CYP39A1: variants seen among roughly 807,000 people sequenced by gnomAD.
CYP39A1 encodes the protein cytochrome P450 family 39 subfamily A member 1.
CYP39A1 carries 49 observed loss-of-function variants against 58.1 expected under a neutral mutation model. That is an observed-to-expected ratio of 0.84 (90% CI 0.67 to 1.07). The LOEUF (loss-of-function observed/expected upper bound fraction) is 1.07. Ranked by LOEUF, CYP39A1 falls within the 50% of genes least tolerant of loss-of-function variation. The probability of loss-of-function intolerance (pLI) is 0.00; values close to 1 mark genes in which losing one functional copy is unlikely to be tolerated. For missense variants in CYP39A1, 531 were observed against 539.4 expected, an observed-to-expected ratio of 0.98 and a Z score of 0.16; for synonymous variants, 209 against 187.6, an observed-to-expected ratio of 1.11 and a Z score of -0.93.
At chr6:46,556,751 C>G (rs1213374282) in intron 10 of CYP39A1, among the ~76,000 whole-genome samples, 1 of 152,140 alleles carries the variant, frequency 6.6e-6, no homozygotes, top group African/African-American at 2.4e-5. Flanking sequence ...AAGCAACTAA[C>G]TGCATGTCAT....
chr6:46,636,367 A>G (rs1775990889), intron 5 of CYP39A1, 22 bp downstream of exon 5: 1 of 1,498,566 alleles, frequency 6.7e-7, no homozygotes. Flanking sequence ...ACATTAGCAA[A>G]AGAAAGGTAA....
intron 7 of CYP39A1, among the ~76,000 whole-genome samples, chr6:46,617,513 T>C (rs1011107772): frequency 6.6e-6 from 1 of 152,164 alleles, no homozygotes; most frequent in African/African-American, 2.4e-5. Flanking sequence ...TCCAGAGCTA[T>C]GCTTTAGGAA....
At chr6:46,613,735 T>C (rs1169914999) in intron 7 of CYP39A1, among the ~76,000 whole-genome samples, 5 of 150,716 alleles carry the variant, frequency 3.3e-5, no homozygotes, top group African/African-American at 9.7e-5. Flanking sequence ...TGAGCCTCTA[T>C]TGATGGGCAG....
chr6:46,652,713 G>GT lies in CYP39A1; in HGVS notation c.-132dup, dbSNP rs1159453768. 1.3e-6 allele frequency: 1 copy of GT among 791,742 alleles called. No individual in the cohort carries two copies. Among genetic ancestry groups the GT allele is most frequent in the African/African-American group, 1.8e-5 (1 of 56,524 alleles). The allele number at this position is 791,742 out of a possible 1,614,324, so 49.0% of individuals were successfully genotyped here. ...GCTGCAACTTTTGCAGCTCTCCTTC[G>GT]TAACTGTAGCTTCCTTCCTCTGTCC... On this transcript the variant is annotated 5_prime_UTR_variant, in exon 1 of 12. Coordinates refer to ENST00000275016, the MANE Select transcript of CYP39A1 (RefSeq NM_016593.5).
intron 10 of CYP39A1, among the ~76,000 whole-genome samples, chr6:46,579,030 A>T (rs1771988127): frequency 6.6e-6 from 1 of 152,140 alleles, no homozygotes; most frequent in African/African-American, 2.4e-5. Context: ...TCAAGCCAAT[A>T]TTGCTGAATA....
Position 46,637,894 on chromosome 6 carries a change from A to G in CYP39A1, c.573T>C (p.His191=), listed in dbSNP as rs1776087228. The change falls in exon 4 of 12, where the codon CAT becomes CAC. Residue 191 remains histidine (H), a synonymous_variant. Coordinates refer to ENST00000275016, the MANE Select transcript of CYP39A1 (RefSeq NM_016593.5). ...STNKKKIKEF[H]QYFQVYDEDF... ...CTTCATCATAAACTTGAAAATACTG[A>G]TGGAACTCCTTGATTTTTTTCTTGT... 2 of 1,612,796 alleles carry G rather than the reference A, an allele frequency of 1.2e-6. No individual in the cohort carries two copies. The highest frequency in any genetic ancestry group is 2.2e-5 in the South Asian group (2 of 90,696).
chr6:46,652,338 C>A, intron 1 of CYP39A1, 68 bp downstream of exon 1: 1 of 1,464,492 alleles, frequency 6.8e-7, no homozygotes, highest in South Asian at 1.4e-5. Context: ...ACTTAAGAGT[C>A]AATGAAAGAA....
chr6:46,621,174 A>G (rs2150566175), intron 7 of CYP39A1, among the ~76,000 whole-genome samples: 1 of 152,198 alleles, frequency 6.6e-6, no homozygotes, highest in East Asian at 1.9e-4. Context: ...GATTATTCAC[A>G]GAGGAAAAAA....
chr6:46,624,644 C>T (rs1314002604), intron 7 of CYP39A1, among the ~76,000 whole-genome samples: 1 of 152,000 alleles, frequency 6.6e-6, no homozygotes, highest in Non-Finnish European at 1.5e-5. Flanking sequence ...ATACCTTTTG[C>T]CCTAATATTA....
chr6:46,551,473 C>T (rs806508), intron 11 of CYP39A1, among the ~76,000 whole-genome samples: 13,062 of 152,058 alleles, frequency 0.086, 1,402 homozygotes, highest in African/African-American at 0.25. Flanking sequence ...CCTTAATGCT[C>T]AAAATGGAAC....
chr6:46,636,732 A>T (rs1776011516), intron 4 of CYP39A1, among the ~76,000 whole-genome samples: 1 of 152,198 alleles, frequency 6.6e-6, no homozygotes, highest in East Asian at 1.9e-4. Flanking sequence ...TTGGCACTGA[A>T]TAAGAAGGCA....
At chr6:46,634,701 T>C (rs1347082527) in intron 5 of CYP39A1, among the ~76,000 whole-genome samples, 9 of 152,012 alleles carry the variant, frequency 5.9e-5, no homozygotes. Flanking sequence ...TTTGTATTTT[T>C]AGTAGAGATG....
chr6:46,615,047 T>C (rs1774443542), intron 7 of CYP39A1, among the ~76,000 whole-genome samples: 1 of 152,128 alleles, frequency 6.6e-6, no homozygotes, highest in Admixed American at 6.6e-5. Context: ...TTGGTAGATC[T>C]GAATGGCAAA....
Position 46,642,267 on chromosome 6 carries a change from C to T in CYP39A1, c.209G>A (p.Gly70Glu). ...TTCAGTAACAAAGGTCATTCGGTTTCCCATAGCAAAGACTGTAAATATTGG... is the reference window on the plus strand; with the variant it reads ...TTCAGTAACAAAGGTCATTCGGTTTTCCATAGCAAAGACTGTAAATATTGG... Reference protein sequence around the residue: ...YGPIFTVFAMGNRMTFVTEEE... With the variant: ...YGPIFTVFAMENRMTFVTEEE... Residue 70 changes from glycine (G) to glutamate (E), a missense_variant, in exon 2 of 12, where the codon GGA becomes GAA. Transcript: ENST00000275016. 1 of 1,612,674 alleles carries T rather than the reference C, an allele frequency of 6.2e-7. No individual in the cohort carries two copies. The highest frequency in any genetic ancestry group is 8.5e-7 in the Non-Finnish European group (1 of 1,179,252).
chr6:46,572,710 A>G (rs1349798825), intron 10 of CYP39A1, among the ~76,000 whole-genome samples: 1 of 152,078 alleles, frequency 6.6e-6, no homozygotes, highest in Non-Finnish European at 1.5e-5. Flanking sequence ...TATCTCTCTC[A>G]GGGTTCGGGA....
At chr6:46,553,461 C>G (rs553272039) in intron 11 of CYP39A1, among the ~76,000 whole-genome samples, 1 of 152,072 alleles carries the variant, frequency 6.6e-6, no homozygotes, top group African/African-American at 2.4e-5. Flanking sequence ...GCAAAGTGGG[C>G]GCCATGTTTA....
Position 46,588,136 on chromosome 6 carries a change from C to G in CYP39A1, c.1066-7G>C. On this transcript the variant is annotated splice_region_variant and splice_polypyrimidine_tract_variant and intron_variant, in intron 8 of 11. Coordinates refer to ENST00000275016, the MANE Select transcript of CYP39A1 (RefSeq NM_016593.5). Reference sequence around the variant, plus strand: ...CAGAAGGAATGATGTAATTCTATAACAGAAAAATCAGCTGCAAATCATTTT... The same window carrying G: ...CAGAAGGAATGATGTAATTCTATAAGAGAAAAATCAGCTGCAAATCATTTT... The G allele has an allele frequency of 1.3e-6, 2 of 1,529,666 alleles. No individual in the cohort carries two copies. Among genetic ancestry groups the G allele is most frequent in the Non-Finnish European group, 1.8e-6 (2 of 1,124,736 alleles). The allele number at this position is 1,529,666 out of a possible 1,614,324, so 94.8% of individuals were successfully genotyped here.
chr6:46,575,725 C>T (rs6911034), intron 10 of CYP39A1, among the ~76,000 whole-genome samples: 31,010 of 152,118 alleles, frequency 0.2, 3,285 homozygotes, highest in African/African-American at 0.22. Context: ...CCAGCACAGC[C>T]CGTGCTTTAA....
At chr6:46,617,750 G>A (rs1774698417) in intron 7 of CYP39A1, among the ~76,000 whole-genome samples, 1 of 152,012 alleles carries the variant, frequency 6.6e-6, no homozygotes, top group South Asian at 2.1e-4. Context: ...CATAAAATAG[G>A]GCAAACAATA....
Sources: gnomAD v4.1 joint callset for allele counts (sites outside exome capture counted in the v4.1 genomes callset) on GRCh38, gnomAD v4.1.1 for gene constraint, MANE v1.5 for transcripts, NCBI Gene and HGNC (gene_info 2026-07-23, HGNC 2026-07-21) for gene names.